Variants in AKAP6 observed in about 807,000 individuals in gnomAD.
The protein encoded by AKAP6 is A-kinase anchoring protein 6.
A neutral mutation model predicts 188.5 loss-of-function variants in AKAP6; 58 were observed. That is an observed-to-expected ratio of 0.31 (90% CI 0.25 to 0.38). The LOEUF (loss-of-function observed/expected upper bound fraction) is 0.38, where lower values mean the gene tolerates loss of function less well. Among genes scored for constraint, AKAP6 ranks in the 10% least tolerant of loss-of-function variants. The pLI is 1.00. For synonymous variants in AKAP6, 989 were observed against 998.6 expected (o/e 0.99, Z 0.18); for missense variants, 2,710 against 2,740.0 (o/e 0.99, Z 0.24).
chr14:32,776,447 C>A (rs1157167823), intron 12 of AKAP6, among the ~76,000 whole-genome samples: 1 of 152,182 alleles, frequency 6.6e-6, no homozygotes, highest in African/African-American at 2.4e-5. Context: ...GAGGCCTCCC[C>A]AGCCACATGG....
chr14:32,709,010 G>A (rs1594869240), intron 9 of AKAP6, among the ~76,000 whole-genome samples: 2 of 152,014 alleles, frequency 1.3e-5, no homozygotes, highest in Non-Finnish European at 2.9e-5. Context: ...TGAGTCTCTA[G>A]GGTTAAGCTA....
intron 1 of AKAP6, chr14:32,373,363 G>C (rs1888070039): frequency 6.6e-6 from 1 of 152,140 alleles, no homozygotes; most frequent in Non-Finnish European, 1.5e-5. Flanking sequence ...TAGGGAGTTA[G>C]AGCTGTCTTC....
chr14:32,779,989 A>G (rs925360233), intron 12 of AKAP6, among the ~76,000 whole-genome samples: 1 of 152,052 alleles, frequency 6.6e-6, no homozygotes. Context: ...GAACTACCGT[A>G]TGACCCAGAA....
intron 10 of AKAP6, chr14:32,733,309 G>C (rs1488819709): frequency 6.6e-6 from 1 of 152,060 alleles, no homozygotes; most frequent in Non-Finnish European, 1.5e-5. Flanking sequence ...CCTTTTGTTG[G>C]AAGACAGCTG....
At chr14:32,581,547 C>T (rs377341784) in intron 5 of AKAP6, among the ~76,000 whole-genome samples, 1 of 151,954 alleles carries the variant, frequency 6.6e-6, no homozygotes, top group East Asian at 1.9e-4. Flanking sequence ...CCTGGGTATC[C>T]TTGTTAACTT....
rs71115086 is a variant in AKAP6 at position 32,615,167 on chromosome 14, C to CAAAAAAAAAAAAAAAAAAAAAAAAAA, written c.2730+14394_2730+14395insAAAAAAAAAAAAAAAAAAAAAAAAAA. Among the ~76,000 whole-genome samples the CAAAAAAAAAAAAAAAAAAAAAAAAAA allele has an allele frequency of 2.2e-3, 116 of 53,492 alleles. 22 individuals carry two copies. Among genetic ancestry groups the CAAAAAAAAAAAAAAAAAAAAAAAAAA allele is most frequent in the East Asian group, 6.0e-3 (11 of 1,838 alleles). 35.1% of individuals were successfully genotyped at this position (53,492 alleles called of 152,430 possible). On this transcript the variant is annotated intron_variant, in intron 7 of 13. Coordinates refer to ENST00000280979, the MANE Select transcript of AKAP6 (RefSeq NM_004274.5). Reference sequence around the variant, plus strand: ...CTGGCAACAGAGCAAGACTCTGTCTCAAAAAAAAAAAAAAAAAAAGATAAA... The same window carrying CAAAAAAAAAAAAAAAAAAAAAAAAAA: ...CTGGCAACAGAGCAAGACTCTGTCTCAAAAAAAAAAAAAAAAAAAAAAAAAAAAAAAAAAAAAAAAAAAAAGATAAA...
At chr14:32,547,660 C>T (rs1051192097) in intron 4 of AKAP6, among the ~76,000 whole-genome samples, 22 of 152,108 alleles carry the variant, frequency 1.4e-4, no homozygotes, top group Non-Finnish European at 2.4e-4. Context: ...TCAGGACCGA[C>T]GGCTTGGGCA....
At chr14:32,516,200 T>C (rs962868484) in intron 2 of AKAP6, among the ~76,000 whole-genome samples, 2 of 152,238 alleles carry the variant, frequency 1.3e-5, no homozygotes, top group African/African-American at 4.8e-5. Context: ...ACTAGAAGGT[T>C]TGCTGAGGCA....
intron 5 of AKAP6, among the ~76,000 whole-genome samples, chr14:32,592,153 T>C (rs552460488): frequency 1.7e-4 from 26 of 152,354 alleles, no homozygotes; most frequent in Admixed American, 5.9e-4. Flanking sequence ...GGAGGTTTTT[T>C]GTACAAATCT....
intron 7 of AKAP6, among the ~76,000 whole-genome samples, chr14:32,613,613 G>A (rs1047183758): frequency 6.6e-5 from 10 of 152,028 alleles, no homozygotes; most frequent in African/African-American, 2.2e-4. Flanking sequence ...GATGCTAAGC[G>A]GGCTCAATAG....
At chr14:32,465,347 G>A (rs1414290302) in intron 2 of AKAP6, among the ~76,000 whole-genome samples, 1 of 147,018 alleles carries the variant, frequency 6.8e-6, no homozygotes, top group Admixed American at 6.7e-5. Flanking sequence ...TATACTACAA[G>A]GGTACAGTAA....
chr14:32,750,109 A>G (rs530791378), intron 11 of AKAP6, among the ~76,000 whole-genome samples: 3 of 152,324 alleles, frequency 2.0e-5, no homozygotes, highest in African/African-American at 7.2e-5. Flanking sequence ...AGTTTTAGCA[A>G]TACCACAAAG....
At position 32,824,347 on chromosome 14, in the gene AKAP6, A is replaced by G; in HGVS notation, c.6534A>G (p.Glu2178=). ...EPCFSSAPPN[E]SAVPSEAAMP... is the part of the protein sequence containing the mutation. Reference sequence around the variant, plus strand: ...GTTTCTCTAGTGCTCCTCCAAATGAATCTGCAGTTCCCAGCGAAGCTGCAA... The same window carrying G: ...GTTTCTCTAGTGCTCCTCCAAATGAGTCTGCAGTTCCCAGCGAAGCTGCAA... The change falls in exon 13 of 14, where the codon GAA becomes GAG. Residue 2178 remains glutamate, a synonymous_variant. Transcript: ENST00000280979. 1.2e-6 allele frequency: 2 copies of G among 1,613,858 alleles called. No homozygotes were observed. Among genetic ancestry groups the G allele is most frequent in the South Asian group, 1.1e-5 (1 of 91,066 alleles).
At chr14:32,582,036 T>G (rs1884995371) in intron 5 of AKAP6, among the ~76,000 whole-genome samples, 1 of 152,006 alleles carries the variant, frequency 6.6e-6, no homozygotes, top group Non-Finnish European at 1.5e-5. Context: ...ATCCTGTCAT[T>G]ATGATGTTAG....
At chr14:32,786,296 A>ATGTTTTTTTTTTTTTGTTTTTTTTTT in intron 12 of AKAP6, among the ~76,000 whole-genome samples, 3 of 93,706 alleles carry the variant, frequency 3.2e-5, no homozygotes, top group Admixed American at 1.3e-4. Flanking sequence ...CTAAACCTTT[A>ATGTTTTTTTTTTTTTGTTTTTTTTTT]TCTTTTTTTT....
In AKAP6 at chr14:32,546,640, A is replaced by G; in HGVS notation, c.1987A>G (p.Ile663Val). 6.2e-7 allele frequency: 1 copy of G among 1,614,198 alleles called. No homozygotes were observed. The highest frequency in any genetic ancestry group is 8.5e-7 in the Non-Finnish European group (1 of 1,180,008). ...GCCTCAGAAACCCAGAGGAGAAACC[A>G]TCCAGAATATTGATGACTGGGAACT... ...LLPQKPRGET[I>V]QNIDDWELSE... is the part of the protein sequence containing the mutation. Residue 663 changes from isoleucine (I) to valine (V), a missense_variant, in exon 4 of 14, where the codon ATC becomes GTC. Coordinates refer to ENST00000280979, the MANE Select transcript of AKAP6 (RefSeq NM_004274.5).
At chr14:32,482,134 A>G (rs1390059389) in intron 2 of AKAP6, among the ~76,000 whole-genome samples, 1 of 152,126 alleles carries the variant, frequency 6.6e-6, no homozygotes, top group Non-Finnish European at 1.5e-5. Flanking sequence ...ATAACTCCTT[A>G]ATAAACTTCC....
Position 32,708,300 on chromosome 14 carries a change from G to A in AKAP6, c.3000+12190G>A, listed in dbSNP as rs373880687. On this transcript the variant is annotated intron_variant, in intron 9 of 13. Coordinates refer to ENST00000280979, the MANE Select transcript of AKAP6 (RefSeq NM_004274.5). ...ATGAGTGTGTGCTTCCGAAAATGTC[G>A]TCAGTAAGGGAGTGAGGAAAACAAG... Among the ~76,000 whole-genome samples the A allele has an allele frequency of 6.7e-4, 102 of 151,966 alleles. 1 individual carries two copies. In the South Asian group the frequency reaches 0.019, roughly 28 times the overall value.
At chr14:32,450,793 G>A (rs1890913589) in intron 2 of AKAP6, among the ~76,000 whole-genome samples, 1 of 152,030 alleles carries the variant, frequency 6.6e-6, no homozygotes, top group African/African-American at 2.4e-5. Flanking sequence ...GAAGGAGGGA[G>A]GAATCGAATT....
Sources: gnomAD v4.1 joint callset for allele counts (sites outside exome capture counted in the v4.1 genomes callset) on GRCh38, gnomAD v4.1.1 for gene constraint, MANE v1.5 for transcripts, NCBI Gene and HGNC (gene_info 2026-07-23, HGNC 2026-07-21) for gene names.